The following BPTF variants were observed in gnomAD, a reference collection of about 807,000 sequenced individuals.
BPTF encodes the protein bromodomain PHD finger transcription factor.
A neutral mutation model predicts 292.5 loss-of-function variants in BPTF; 18 were observed. That is an observed-to-expected ratio of 0.06 (90% CI 0.04 to 0.09). BPTF has a LOEUF of 0.09. Among genes scored for constraint, BPTF ranks in the 10% least tolerant of loss-of-function variants. BPTF has a pLI of 1.00. For synonymous variants in BPTF, 1,225 were observed against 1,251.9 expected (o/e 0.98, Z 0.45); for missense variants, 2,726 against 3,498.7 (o/e 0.78, Z 5.57).
chr17:67,834,869 A>G (rs1473807765), intron 1 of BPTF, among the ~76,000 whole-genome samples: 4 of 152,162 alleles, frequency 2.6e-5, no homozygotes, highest in African/African-American at 7.2e-5. Flanking sequence ...TTCACGCTCT[A>G]TACTGTCCAG....
In BPTF at chr17:67,912,983, G is replaced by A; in HGVS notation, c.5099G>A (p.Arg1700His). ...LMKFSRPKKT[R>H]SGTALPSYRK... ...AAATTTTCAAGACCAAAGAAGACTC[G>A]TTCAGGTACAGCTCTGCCATCCTAT... The change falls in exon 11 of 28, where the codon CGT becomes CAT. Residue 1700 changes from arginine (R) to histidine (H), a missense_variant. By Grantham distance (29) the Arg-to-His change is conservative. Around this residue, in one of 22 missense-constraint regions of BPTF, gnomAD observed 24 missense variants for 57.5 expected, o/e 0.42. Coordinates refer to ENST00000306378, the MANE Select transcript of BPTF (RefSeq NM_182641.4). 4 of 1,614,148 alleles carry A rather than the reference G, an allele frequency of 2.5e-6. No individual in the cohort carries two copies. Among genetic ancestry groups the A allele is most frequent in the Non-Finnish European group, 3.4e-6 (4 of 1,180,010 alleles).
chr17:67,832,693 C>T (rs555777576), intron 1 of BPTF, among the ~76,000 whole-genome samples: 36 of 151,990 alleles, frequency 2.4e-4, no homozygotes, highest in Non-Finnish European at 4.6e-4. Context: ...AAAAGAAGCC[C>T]GCACCGTCAG....
intron 2 of BPTF, among the ~76,000 whole-genome samples, chr17:67,856,200 TCA>T (rs1319055410): frequency 1.3e-5 from 2 of 152,350 alleles, no homozygotes; most frequent in East Asian, 3.9e-4. Flanking sequence ...TTGTATGTGT[TCA>T]GTTTTTTAAG....
At chr17:67,967,890 G>A (rs556222127) in intron 26 of BPTF, among the ~76,000 whole-genome samples, 2 of 151,392 alleles carry the variant, frequency 1.3e-5, no homozygotes, top group Admixed American at 6.6e-5. Flanking sequence ...TGGTGTCTGA[G>A]TGGAGTATTA....
At chr17:67,852,199 CTA>C (rs963008090) in intron 1 of BPTF, among the ~76,000 whole-genome samples, 2 of 152,026 alleles carry the variant, frequency 1.3e-5, no homozygotes, top group African/African-American at 4.8e-5. Context: ...TTATACAAGA[CTA>C]TGAGTAGTCA....
intron 12 of BPTF, among the ~76,000 whole-genome samples, chr17:67,919,782 C>T (rs2063314870): frequency 6.6e-6 from 1 of 152,180 alleles, no homozygotes; most frequent in East Asian, 1.9e-4. Flanking sequence ...CCACCAGGAG[C>T]TCAGCTATAC....
chr17:67,869,578 A>T (rs1166280999), intron 3 of BPTF, among the ~76,000 whole-genome samples: 1 of 152,208 alleles, frequency 6.6e-6, no homozygotes, highest in African/African-American at 2.4e-5. Flanking sequence ...TTAAAAAATA[A>T]CCAATTAGCA....
At chr17:67,859,563 AT>A (rs1356509995) in intron 2 of BPTF, among the ~76,000 whole-genome samples, 2 of 152,076 alleles carry the variant, frequency 1.3e-5, no homozygotes, top group Non-Finnish European at 2.9e-5. Flanking sequence ...AGAACCTGGA[AT>A]TTTTTTTAGA....
At chr17:67,970,190 G>A (rs1361750774) in intron 26 of BPTF, among the ~76,000 whole-genome samples, 2 of 150,768 alleles carry the variant, frequency 1.3e-5, no homozygotes, top group African/African-American at 4.9e-5. Flanking sequence ...CTGAGATCAC[G>A]CCATTGCACT....
At chr17:67,828,613 C>T (rs1173479315) in intron 1 of BPTF, among the ~76,000 whole-genome samples, 2 of 152,234 alleles carry the variant, frequency 1.3e-5, no homozygotes, top group Non-Finnish European at 2.9e-5. Context: ...ACTGCAACCT[C>T]CACCTCCTGG....
chr17:67,917,088 CAGAG>C (rs889216867), intron 11 of BPTF, among the ~76,000 whole-genome samples: 5 of 147,264 alleles, frequency 3.4e-5, no homozygotes, highest in African/African-American at 5.0e-5. Context: ...AACATGAACA[CAGAG>C]AGATTTGTCT....
At chr17:67,843,832 C>T (rs538663801) in intron 1 of BPTF, among the ~76,000 whole-genome samples, 34 of 129,162 alleles carry the variant, frequency 2.6e-4, no homozygotes, top group South Asian at 5.2e-4. Context: ...ATGGCGCAAT[C>T]GTGGCTCACT....
intron 18 of BPTF, among the ~76,000 whole-genome samples, chr17:67,937,627 G>T (rs1179168308): frequency 1.3e-5 from 2 of 152,144 alleles, no homozygotes; most frequent in Non-Finnish European, 2.9e-5. Flanking sequence ...GGGCCCTGAG[G>T]CAGGAGTGGA....
chr17:67,828,025 A>G lies in BPTF; in HGVS notation c.613+1688A>G, dbSNP rs561125058. On this transcript the variant is annotated intron_variant, in intron 1 of 27. Coordinates refer to ENST00000306378, the MANE Select transcript of BPTF (RefSeq NM_182641.4). ...CGGCTCACTGCAACCTCCGTCTTCC[A>G]GACTCAAGCGATTCTCCTGCCTCAG... 3.4e-5 allele frequency among the ~76,000 whole-genome samples: 5 copies of G among 148,194 alleles called. No individual in the cohort carries two copies. The East Asian group carries it at 9.9e-4, about 29-fold the overall frequency.
rs1319901738 is a variant in BPTF, at chr17:67,891,862, A to G, written c.1883A>G (p.Glu628Gly). The G allele has an allele frequency of 6.3e-7, 1 of 1,594,944 alleles. No homozygotes were observed. Among genetic ancestry groups the G allele is most frequent in the Non-Finnish European group, 8.5e-7 (1 of 1,171,864 alleles). Reference protein sequence around the residue: ...GKSEVGDFKSEKSNGELSESP... With the variant: ...GKSEVGDFKSGKSNGELSESP... ...TTGACAGTAGGTGATTTCAAATCGG[A>G]GAAGTCCAACGGGGAGCTAAGTGAA... The change falls in exon 5 of 28, where the codon GAG (glutamate) becomes GGG (glycine). Residue 628 changes from glutamate (E) to glycine (G), a missense_variant. Coordinates refer to ENST00000306378, the MANE Select transcript of BPTF (RefSeq NM_182641.4).
chr17:67,918,728 C>T lies in BPTF; in HGVS notation c.5318C>T (p.Thr1773Ile), dbSNP rs1456176354. The T allele has an allele frequency of 1.7e-5, 28 of 1,613,164 alleles. No homozygotes were observed. Among genetic ancestry groups the T allele is most frequent in the South Asian group, 2.2e-5 (2 of 91,072 alleles). Residue 1773 changes from threonine (T) to isoleucine (I), a missense_variant, in exon 12 of 28, where the codon ACA becomes ATA. This residue lies in a region of BPTF where 36 missense variants were observed against 34.7 expected (regional missense o/e 1.04). Coordinates refer to ENST00000306378, the MANE Select transcript of BPTF (RefSeq NM_182641.4). The part of the protein sequence containing the change: ...FGITWRYRLQ[T>I]VKSLAGVSLM... ...TTTCCTTTCAGGTATAGACTTCAGA[C>T]AGTAAAGTCCTTAGCTGGAGTGAGC...
At chr17:67,878,681 C>T (rs950508566) in intron 4 of BPTF, among the ~76,000 whole-genome samples, 3 of 149,952 alleles carry the variant, frequency 2.0e-5, no homozygotes, top group Non-Finnish European at 3.0e-5. Flanking sequence ...TTTATGTGTT[C>T]GTGTGTGTGT....
intron 1 of BPTF, among the ~76,000 whole-genome samples, chr17:67,849,443 G>GTTTTTTA (rs2058250262): frequency 6.6e-6 from 1 of 152,052 alleles, no homozygotes; most frequent in East Asian, 1.9e-4. Flanking sequence ...CAAGTTTTTT[G>GTTTTTTA]TTTTTTATTT....
intron 26 of BPTF, among the ~76,000 whole-genome samples, chr17:67,971,483 T>TA (rs782720627): frequency 0.014 from 1,983 of 140,422 alleles, 25 homozygotes; most frequent in African/African-American, 0.026. Context: ...ACGCTGTCTT[T>TA]AAAAAAAAAA....
Sources: allele counts gnomAD v4.1 joint callset (sites outside exome capture counted in the v4.1 genomes callset), GRCh38; gene constraint gnomAD v4.1.1; regional missense constraint gnomAD v4.1.1; transcripts MANE v1.5; gene names NCBI Gene and HGNC (gene_info 2026-07-23, HGNC 2026-07-21).